LRRC4C: variants seen among roughly 807,000 people sequenced by gnomAD.
The protein encoded by LRRC4C is leucine-rich repeat-containing protein 4C.
In LRRC4C, 5 loss-of-function variants were observed where a neutral mutation model predicts 33.6. That is an observed-to-expected ratio of 0.15 (90% confidence interval 0.08 to 0.31). The LOEUF is 0.31. LRRC4C is among the 10% of genes least tolerant of loss of function. LRRC4C has a pLI of 1.00. For missense variants in LRRC4C, 560 were observed against 796.7 expected (o/e 0.70, Z 3.58); for synonymous variants, 329 against 302.0 (o/e 1.09, Z -0.93).
chr11:40,864,032 C>T (rs1282133651), intron 2 of LRRC4C, among the ~76,000 whole-genome samples: 2 of 151,890 alleles, frequency 1.3e-5, no homozygotes, highest in African/African-American at 4.8e-5. Flanking sequence ...AAGAACAATG[C>T]ATGTGATAAA....
chr11:41,078,975 C>G (rs1266149730), intron 1 of LRRC4C, among the ~76,000 whole-genome samples: 1 of 152,108 alleles, frequency 6.6e-6, no homozygotes, highest in African/African-American at 2.4e-5. Flanking sequence ...TTTTTTCTCC[C>G]ACAGAATTTT....
At chr11:40,690,307 G>A (rs542044228) in intron 2 of LRRC4C, among the ~76,000 whole-genome samples, 3 of 152,204 alleles carry the variant, frequency 2.0e-5, no homozygotes, top group African/African-American at 7.2e-5. Flanking sequence ...GCTCAAAGAA[G>A]TTAAGAAATA....
intron 3 of LRRC4C, among the ~76,000 whole-genome samples, chr11:40,529,158 C>T (rs1304746895): frequency 1.3e-5 from 2 of 152,010 alleles, no homozygotes; most frequent in East Asian, 3.9e-4. Flanking sequence ...GGGTAGATAT[C>T]AAGTTAAGTT....
intron 1 of LRRC4C, among the ~76,000 whole-genome samples, chr11:41,172,370 G>A (rs1945013936): frequency 6.6e-6 from 1 of 152,138 alleles, no homozygotes; most frequent in Non-Finnish European, 1.5e-5. Context: ...AAGGCCATAT[G>A]CTTTTGAAGA....
intron 2 of LRRC4C, among the ~76,000 whole-genome samples, chr11:40,816,527 G>A (rs1951711980): frequency 6.6e-6 from 1 of 152,090 alleles, no homozygotes; most frequent in South Asian, 2.1e-4. Context: ...GATAACCACT[G>A]GCTTCACACC....
chr11:40,352,669 A>T (rs1200060723), intron 3 of LRRC4C, among the ~76,000 whole-genome samples: 1 of 152,216 alleles, frequency 6.6e-6, no homozygotes, highest in Admixed American at 6.5e-5. Flanking sequence ...TACTTTCAAT[A>T]ATAAGTTTTA....
At chr11:40,841,009 C>T (rs1048701473) in intron 2 of LRRC4C, among the ~76,000 whole-genome samples, 40 of 152,112 alleles carry the variant, frequency 2.6e-4, no homozygotes, top group African/African-American at 8.9e-4. Context: ...TGTTCACTTA[C>T]ACTGATTACA....
intron 3 of LRRC4C, among the ~76,000 whole-genome samples, chr11:40,610,700 A>T (rs1376593423): frequency 6.6e-6 from 1 of 151,928 alleles, no homozygotes; most frequent in African/African-American, 2.4e-5. Context: ...CTCAACATAT[A>T]AAAATCGGTT....
intron 1 of LRRC4C, among the ~76,000 whole-genome samples, chr11:40,964,034 T>TC (rs1592203171): frequency 6.6e-6 from 1 of 151,524 alleles, no homozygotes; most frequent in African/African-American, 2.4e-5. Flanking sequence ...TGTTTTTTTT[T>TC]CCCACCTGCC....
chr11:40,837,012 A>C (rs1449029345), intron 2 of LRRC4C, among the ~76,000 whole-genome samples: 1 of 152,128 alleles, frequency 6.6e-6, no homozygotes, highest in South Asian at 2.1e-4. Flanking sequence ...GCCAGCTTCC[A>C]TTCCCTAAAC....
intron 1 of LRRC4C, among the ~76,000 whole-genome samples, chr11:41,212,882 C>T (rs1249928040): frequency 6.6e-6 from 1 of 152,106 alleles, no homozygotes; most frequent in Non-Finnish European, 1.5e-5. Flanking sequence ...AGGTTGATTC[C>T]ATGTACCTAA....
intron 1 of LRRC4C, among the ~76,000 whole-genome samples, chr11:41,250,335 G>A (rs1775472812): frequency 6.6e-6 from 1 of 152,202 alleles, no homozygotes; most frequent in Non-Finnish European, 1.5e-5. Context: ...CATTAGGAAT[G>A]ATACATCTTG....
chr11:40,360,176 G>A (rs1258098702), intron 3 of LRRC4C, among the ~76,000 whole-genome samples: 1 of 152,162 alleles, frequency 6.6e-6, no homozygotes, highest in Non-Finnish European at 1.5e-5. Context: ...CAAATGAAAT[G>A]ATCTCTATGA....
In LRRC4C at chr11:40,353,445, C is replaced by T. The variant is rs532866557; in HGVS notation, c.-269-33724G>A. ...TTTAAAAATTATTTCAGGCCAGGTG[C>T]AGTGGCTCATGCCTGTAATTCTAGC... On this transcript the variant is annotated intron_variant, in intron 3 of 6. Coordinates refer to ENST00000528697, the MANE Select transcript of LRRC4C (RefSeq NM_001258419.2). Among the ~76,000 whole-genome samples, 8 of 152,152 alleles carry T rather than the reference C, an allele frequency of 5.3e-5. No individual in the cohort carries two copies. In the East Asian group the frequency reaches 7.8e-4, roughly 15 times the overall value.
intron 2 of LRRC4C, among the ~76,000 whole-genome samples, chr11:40,851,711 C>T (rs749874036): frequency 1.3e-5 from 2 of 151,998 alleles, no homozygotes; most frequent in South Asian, 2.1e-4. Context: ...ATCCAGGAGG[C>T]GGAGGTTGCA....
chr11:41,153,816 T>A (rs1390511223), intron 1 of LRRC4C, among the ~76,000 whole-genome samples: 1 of 152,130 alleles, frequency 6.6e-6, no homozygotes, highest in Non-Finnish European at 1.5e-5. Context: ...GGAAAAAGGG[T>A]CTTCACAGAT....
Position 41,455,458 on chromosome 11 carries a change from C to T in LRRC4C, c.-496+3973G>A, listed in dbSNP as rs533525703. ...GCATGTATGCATGCACATGTACATACACACGACACATACACATATTCACAA... is the reference window on the plus strand; with the variant it reads ...GCATGTATGCATGCACATGTACATATACACGACACATACACATATTCACAA... On this transcript the variant is annotated intron_variant, in intron 1 of 6. Coordinates refer to ENST00000528697, the MANE Select transcript of LRRC4C (RefSeq NM_001258419.2). 7.2e-5 allele frequency among the ~76,000 whole-genome samples: 11 copies of T among 152,230 alleles called. No individual in the cohort carries two copies. The East Asian group carries it at 1.9e-3, about 27-fold the overall frequency.
At chr11:40,575,406 T>A (rs1958152099) in intron 3 of LRRC4C, among the ~76,000 whole-genome samples, 1 of 152,042 alleles carries the variant, frequency 6.6e-6, no homozygotes, top group Non-Finnish European at 1.5e-5. Context: ...AAAAAAAGCT[T>A]TCCTGAGATT....
chr11:41,279,305 G>A (rs756904351), intron 1 of LRRC4C, among the ~76,000 whole-genome samples: 16 of 151,274 alleles, frequency 1.1e-4, no homozygotes, highest in Non-Finnish European at 1.9e-4. Context: ...TTCCATGACC[G>A]AAGGAAGCCT....
Sources: gnomAD v4.1 joint callset for allele counts (sites outside exome capture counted in the v4.1 genomes callset) on GRCh38, gnomAD v4.1.1 for gene constraint, MANE v1.5 for transcripts, NCBI Gene and HGNC (gene_info 2026-07-23, HGNC 2026-07-21) for gene names.